The following BACE1 variants were observed in gnomAD, a reference collection of about 807,000 sequenced individuals.
The protein encoded by BACE1 is APP beta-secretase.
Under a neutral mutation model 54.0 loss-of-function variants are expected in BACE1, and 21 were observed. The ratio of observed to expected loss-of-function variants is 0.39; its 90% CI spans 0.28 to 0.56. BACE1 has a LOEUF of 0.56. BACE1 is among the 20% of genes least tolerant of loss of function. BACE1 has a pLI of 0.63. For missense variants in BACE1, 511 were observed against 661.2 expected, an observed-to-expected ratio of 0.77 and a Z score of 2.49; for synonymous variants, 232 against 260.9, an observed-to-expected ratio of 0.89 and a Z score of 1.07.
chr11:117,294,738 A>T (rs2034552361), intron 3 of BACE1, among the ~76,000 whole-genome samples: 1 of 151,748 alleles, frequency 6.6e-6, no homozygotes, highest in African/African-American at 2.4e-5. Flanking sequence ...AGAAAAAATT[A>T]GCCGGGCGTC....
intron 1 of BACE1, among the ~76,000 whole-genome samples, chr11:117,297,938 T>TA (rs1486099604): frequency 6.6e-6 from 1 of 152,174 alleles, no homozygotes; most frequent in Non-Finnish European, 1.5e-5. Flanking sequence ...CGACTCAAAA[T>TA]ACGTCAAAGT....
At chr11:117,291,135 T>C in intron 6 of BACE1, 86 bp from the exon 7 acceptor site, 1 of 1,482,564 alleles carries the variant, frequency 6.7e-7, no homozygotes, top group Non-Finnish European at 9.1e-7. Flanking sequence ...AACTGGGCCC[T>C]TCATTTGCTT....
intron 1 of BACE1, among the ~76,000 whole-genome samples, chr11:117,306,002 C>CTCCA (rs1167341304): frequency 6.6e-6 from 1 of 152,146 alleles, no homozygotes; most frequent in Non-Finnish European, 1.5e-5. Flanking sequence ...CACCACTGCA[C>CTCCA]TCCAGCCTGG....
At chr11:117,303,114 T>C (rs1010546964) in intron 1 of BACE1, among the ~76,000 whole-genome samples, 17 of 152,206 alleles carry the variant, frequency 1.1e-4, no homozygotes, top group Admixed American at 3.3e-4. Context: ...GATCTCTCAG[T>C]GGCTCCCAAA....
In BACE1 at chr11:117,293,719, G is replaced by C. The variant is rs531729625; in HGVS notation, c.705+152C>G. On this transcript the variant is annotated intron_variant, in intron 4 of 8. Transcript: ENST00000313005. The surrounding 1 kb of genome is among the most constrained non-coding windows in gnomAD (Gnocchi z 4.1). ...GGAATAACGCAAAAAAGAAAAGAAT[G>C]GAAAAATAAAGTAAGGGTAGGGAAT... 1.3e-6 allele frequency: 1 copy of C among 761,616 alleles called. No individual in the cohort carries two copies. The highest frequency in any genetic ancestry group is 3.8e-5 in the Admixed American group (1 of 26,400). 47.2% of individuals were successfully genotyped at this position (761,616 alleles called of 1,614,324 possible). A position where few individuals can be genotyped will look rare whatever the true frequency, so the allele number is the denominator to read the frequency against.
chr11:117,313,790 G>A (rs1048476711), intron 1 of BACE1, among the ~76,000 whole-genome samples: 18 of 152,154 alleles, frequency 1.2e-4, no homozygotes, highest in African/African-American at 4.3e-4. Context: ...GCATAGAATT[G>A]AAGAGGCAGA....
At chr11:117,296,070 T>A (rs945410564) in intron 2 of BACE1, among the ~76,000 whole-genome samples, 4 of 152,144 alleles carry the variant, frequency 2.6e-5, no homozygotes, top group Non-Finnish European at 5.9e-5. Flanking sequence ...GGAAGGTGCG[T>A]TTTGCAGCTG....
chr11:117,296,119 G>A (rs973625181), intron 2 of BACE1, among the ~76,000 whole-genome samples: 2 of 152,126 alleles, frequency 1.3e-5, no homozygotes, highest in South Asian at 2.1e-4. Flanking sequence ...CTCTACTCAC[G>A]TTTGCACACA....
Position 117,295,559 on chromosome 11 carries a change from G to T in BACE1, c.351-212C>A, listed in dbSNP as rs752067869. The T allele has an allele frequency of 1.4e-5, 21 of 1,535,728 alleles. 1 individual carries two copies. The South Asian group carries it at 2.4e-4, about 17-fold the overall frequency. On this transcript the variant is annotated intron_variant, in intron 2 of 8. Coordinates refer to ENST00000313005, the MANE Select transcript of BACE1 (RefSeq NM_012104.6). ...ATGAAGGGAACCATTGGTGAGGCTT[G>T]CTCTCCTATCTATTGCTCATATTCC...
At position 117,288,358 on chromosome 11, in the gene BACE1, A is replaced by T. The variant is rs2034318797; in HGVS notation, c.*1208T>A. 1 of 152,560 alleles carries T rather than the reference A, an allele frequency of 6.6e-6. No individual in the cohort carries two copies. Among genetic ancestry groups the T allele is most frequent in the Non-Finnish European group, 1.5e-5 (1 of 68,068 alleles). The allele number at this position is 152,560 out of a possible 1,614,324, so 9.5% of individuals were successfully genotyped here. On this transcript the variant is annotated 3_prime_UTR_variant, in exon 9 of 9. Transcript: ENST00000313005. ...ATTAGAGAGGGTAGGAAGGCAATGA[A>T]ACCACTCTGAATTATGTAAAGATCT...
rs1317278291 is a variant in BACE1 at position 117,315,234 on chromosome 11, G to A, written c.261+301C>T. Among the ~76,000 whole-genome samples, 1 of 152,182 alleles carries A rather than the reference G, an allele frequency of 6.6e-6. No homozygotes were observed. Among genetic ancestry groups the A allele is most frequent in the Non-Finnish European group, 1.5e-5 (1 of 68,028 alleles). On this transcript the variant is annotated intron_variant, in intron 1 of 8. Coordinates refer to ENST00000313005, the MANE Select transcript of BACE1 (RefSeq NM_012104.6). The surrounding 1 kb of genome is among the most constrained non-coding windows in gnomAD (Gnocchi z 5.5). ...CACCTGTTATAGTGCCCCTGTGGCG[G>A]ACCCTTCCTCCAGGTCAGGGTCCCC...
At position 117,293,865 on chromosome 11, in the gene BACE1, A is replaced by G; in HGVS notation, c.705+6T>C. ...CAGGACCTCCCCTCTCTGAGGACCTACTCACCATGCTCCCTCCGACAGAGG... is the reference window on the plus strand; with the variant it reads ...CAGGACCTCCCCTCTCTGAGGACCTGCTCACCATGCTCCCTCCGACAGAGG... On this transcript the variant is annotated splice_donor_region_variant and intron_variant, in intron 4 of 8. Transcript: ENST00000313005. The surrounding 1 kb of genome is among the most constrained non-coding windows in gnomAD (Gnocchi z 4.1). The G allele has an allele frequency of 6.2e-7, 1 of 1,610,362 alleles. No individual in the cohort carries two copies. The highest frequency in any genetic ancestry group is 2.2e-5 in the East Asian group (1 of 44,668).
At chr11:117,307,889 G>C (rs915559629) in intron 1 of BACE1, among the ~76,000 whole-genome samples, 1 of 152,148 alleles carries the variant, frequency 6.6e-6, no homozygotes, top group African/African-American at 2.4e-5. Context: ...TATGGAGCCG[G>C]GGTCTTGCTG....
chr11:117,292,864 G>A (rs1456119555), intron 5 of BACE1, 190 bp downstream of exon 5: 9 of 589,994 alleles, frequency 1.5e-5, no homozygotes, highest in Non-Finnish European at 2.6e-5. Context: ...TTCACTACCA[G>A]TCCCTAGGCC....
chr11:117,297,940 C>T (rs1470401023), intron 1 of BACE1, among the ~76,000 whole-genome samples: 1 of 152,152 alleles, frequency 6.6e-6, no homozygotes, highest in African/African-American at 2.4e-5. Flanking sequence ...ACTCAAAATA[C>T]GTCAAAGTAG....
At chr11:117,297,491 A>G (rs1220187920) in intron 1 of BACE1, among the ~76,000 whole-genome samples, 1 of 152,110 alleles carries the variant, frequency 6.6e-6, no homozygotes. Flanking sequence ...ATGGTGGCAC[A>G]TGCCTGTAGT....
chr11:117,293,152 T>C lies in BACE1; in HGVS notation c.742A>G (p.Ser248Gly), dbSNP rs1390317071. The C allele has an allele frequency of 6.2e-7, 1 of 1,614,082 alleles. No homozygotes were observed. Among genetic ancestry groups the C allele is most frequent in the Admixed American group, 1.7e-5 (1 of 60,016 alleles). The change falls in exon 5 of 9, where the codon AGT becomes GGT. Residue 248 changes from serine to glycine, a missense_variant. This residue lies in a region of BACE1 where 407 missense variants were observed against 565.7 expected (regional missense o/e 0.72). Coordinates refer to ENST00000313005, the MANE Select transcript of BACE1 (RefSeq NM_012104.6). The surrounding 1 kb of genome is among the most constrained non-coding windows in gnomAD (Gnocchi z 4.1). ...CGCCGGATGGGTGTATACCAGAGAC[T>C]GCCTGTGTACAGCGAGTGGTCGATA... ...GGIDHSLYTG[S>G]LWYTPIRREW...
Position 117,289,638 on chromosome 11 carries a change from A to G in BACE1, c.1434T>C (p.Cys478=), listed in dbSNP as rs1565355082. The change falls in exon 9 of 9, where the codon TGT becomes TGC. Residue 478 remains cysteine (C), a synonymous_variant. Coordinates refer to ENST00000313005, the MANE Select transcript of BACE1 (RefSeq NM_012104.6). ...LFMLPLCLMV[C]QWRCLRCLRQ... is the part of the protein sequence containing the mutation. ...GCAGGCAGCGGAGGCAGCGCCACTG[A>G]CACACCATGAGGCAGAGTGGCAGCA... 1.9e-6 allele frequency: 3 copies of G among 1,614,098 alleles called. No homozygotes were observed. Among genetic ancestry groups the G allele is most frequent in the African/African-American group, 2.7e-5 (2 of 74,920 alleles).
chr11:117,288,159 C>T lies in BACE1; in HGVS notation c.*1407G>A, dbSNP rs963846935. 1 of 152,464 alleles carries T rather than the reference C, an allele frequency of 6.6e-6. No individual in the cohort carries two copies. Among genetic ancestry groups the T allele is most frequent in the African/African-American group, 2.4e-5 (1 of 41,462 alleles). 9.4% of individuals were successfully genotyped at this position (152,464 alleles called of 1,614,324 possible). On this transcript the variant is annotated 3_prime_UTR_variant, in exon 9 of 9. Transcript: ENST00000313005. ...GATAGGGGAAAAAGATGACCTTCATCAAGGAGCTCTTGTGGTGGAGGACAT... is the reference window on the plus strand; with the variant it reads ...GATAGGGGAAAAAGATGACCTTCATTAAGGAGCTCTTGTGGTGGAGGACAT...
Sources: gnomAD v4.1 joint callset for allele counts (sites outside exome capture counted in the v4.1 genomes callset) on GRCh38, gnomAD v4.1.1 for gene constraint, gnomAD v4.1.1 regional missense constraint, Gnocchi (gnomAD v3.1) non-coding constraint, MANE v1.5 for transcripts, NCBI Gene and HGNC (gene_info 2026-07-23, HGNC 2026-07-21) for gene names.